DHRS4: variants seen among roughly 807,000 people sequenced by gnomAD.
DHRS4 encodes dehydrogenase/reductase SDR family member 4.
In DHRS4, 20 loss-of-function variants were observed where a neutral mutation model predicts 28.4. The observed-to-expected ratio is 0.71, with a 90% confidence interval of 0.50 to 1.02. The LOEUF (loss-of-function observed/expected upper bound fraction) is 1.02, where lower values mean the gene tolerates loss of function less well. Among genes scored for constraint, DHRS4 ranks in the 50% least tolerant of loss-of-function variants. DHRS4 has a pLI of 0.00. For missense variants in DHRS4, 378 were observed against 367.2 expected (o/e 1.03, Z -0.24); for synonymous variants, 144 against 146.4 (o/e 0.98, Z 0.12).
chr14:23,956,524 T>C (rs1214754048), intron 2 of DHRS4, among the ~76,000 whole-genome samples: 7 of 149,272 alleles, frequency 4.7e-5, no homozygotes, highest in Admixed American at 2.0e-4. Context: ...CAGGCCACAG[T>C]GGAGAGCACA....
At chr14:23,966,114 C>G in intron 5 of DHRS4, 131 bp downstream of exon 5, 2 of 1,592,372 alleles carry the variant, frequency 1.3e-6, no homozygotes, top group Non-Finnish European at 1.7e-6. Flanking sequence ...AAAATAGATG[C>G]CTTGCCTCCA....
intron 2 of DHRS4, among the ~76,000 whole-genome samples, 182 bp from the exon 3 acceptor site, chr14:23,959,720 C>T (rs10151581): frequency 0.55 from 82,003 of 149,434 alleles, 23,287 homozygotes; most frequent in East Asian, 0.77. Context: ...GGTCTCGCTG[C>T]ATGGCCCAGG....
intron 1 of DHRS4, among the ~76,000 whole-genome samples, chr14:23,954,549 G>A (rs1594409255): frequency 1.3e-5 from 2 of 152,356 alleles, no homozygotes; most frequent in East Asian, 3.9e-4. Flanking sequence ...AATGCAAAAT[G>A]TGTAACTCTT....
intron 2 of DHRS4, 114 bp from the exon 3 acceptor site, chr14:23,959,788 T>C (rs963524128): frequency 1.3e-5 from 17 of 1,305,484 alleles, no homozygotes; most frequent in Non-Finnish European, 1.9e-5. Context: ...CAAAGTGCCA[T>C]GATTACAGGC....
intron 2 of DHRS4, among the ~76,000 whole-genome samples, chr14:23,956,669 A>G (rs1321609548): frequency 6.6e-6 from 1 of 150,520 alleles, no homozygotes; most frequent in Non-Finnish European, 1.5e-5. Flanking sequence ...ATATGGCACA[A>G]TCTCAGCTCA....
rs2033730726 is a variant in DHRS4 at position 23,968,674 on chromosome 14, G to A, written c.723-83G>A. On this transcript the variant is annotated intron_variant, in intron 7 of 7. Coordinates refer to ENST00000313250, the MANE Select transcript of DHRS4 (RefSeq NM_021004.4). ...AAGCCATCTGATAATTCTTGATTAAGCAAATTTAACTCCCTGTGTCCCAGG... is the reference window on the plus strand; with the variant it reads ...AAGCCATCTGATAATTCTTGATTAAACAAATTTAACTCCCTGTGTCCCAGG... 3 of 1,559,712 alleles carry A rather than the reference G, an allele frequency of 1.9e-6. 1 individual carries two copies. Among genetic ancestry groups the A allele is most frequent in the Non-Finnish European group, 2.6e-6 (3 of 1,152,142 alleles).
intron 1 of DHRS4, chr14:23,954,183 T>C: frequency 5.0e-6 from 2 of 401,816 alleles, no homozygotes; most frequent in Non-Finnish European, 8.8e-6. Flanking sequence ...CCCAGTGTTC[T>C]GGGCTGCCCC....
chr14:23,968,679 T>C, intron 7 of DHRS4, 78 bp from the exon 8 acceptor site: 1 of 1,566,274 alleles, frequency 6.4e-7, no homozygotes, highest in East Asian at 2.4e-5. Flanking sequence ...ATTAAGCAAA[T>C]TTAACTCCCT....
intron 7 of DHRS4, chr14:23,967,680 C>T: frequency 3.3e-6 from 1 of 304,836 alleles, no homozygotes; most frequent in South Asian, 2.3e-5. Context: ...TACTAAGCCC[C>T]AAACTCCCCT....
In DHRS4 at chr14:23,953,800, G is replaced by A. The variant is rs3211118; in HGVS notation, c.12G>A (p.Ala4=). The A allele has an allele frequency of 1.2e-6, 2 of 1,614,100 alleles. No individual in the cohort carries two copies. Among genetic ancestry groups the A allele is most frequent in the East Asian group, 2.2e-5 (1 of 44,864 alleles). ...TGCTGGTCTGATCCATGCACAAGGC[G>A]GGGCTGCTAGGCCTCTGTGCCCGGG... is the stretch of plus-strand genomic sequence containing the variant. The part of the protein sequence containing the change: MHK[A]GLLGLCARAW... The change falls in exon 1 of 8, where the codon GCG becomes GCA. Residue 4 remains alanine, a synonymous_variant. Transcript: ENST00000313250.
chr14:23,966,571 T>C (rs905086576), intron 6 of DHRS4, among the ~76,000 whole-genome samples, 154 bp downstream of exon 6: 1 of 151,666 alleles, frequency 6.6e-6, no homozygotes, highest in Non-Finnish European at 1.5e-5. Flanking sequence ...ACCTGCCCTA[T>C]ACAAGCCACA....
chr14:23,956,695 C>T (rs1485384539), intron 2 of DHRS4, among the ~76,000 whole-genome samples: 4 of 151,246 alleles, frequency 2.6e-5, no homozygotes, highest in African/African-American at 9.7e-5. Context: ...ACCTCCGCCT[C>T]CAGGTTCAAG....
chr14:23,966,068 C>T, intron 5 of DHRS4, 85 bp downstream of exon 5: 3 of 1,605,682 alleles, frequency 1.9e-6, no homozygotes, highest in Admixed American at 3.3e-5. Flanking sequence ...AAGTTTGTGT[C>T]CCCTTGTAGA....
intron 1 of DHRS4, among the ~76,000 whole-genome samples, chr14:23,954,758 C>G (rs1288309403): frequency 1.3e-5 from 2 of 152,162 alleles, no homozygotes; most frequent in African/African-American, 2.4e-5. Context: ...CTCTCAGTCC[C>G]AAGAGGGGAT....
intron 3 of DHRS4, among the ~76,000 whole-genome samples, chr14:23,964,232 A>C (rs1198064762): frequency 2.9e-5 from 3 of 103,682 alleles, no homozygotes; most frequent in African/African-American, 1.3e-4. Flanking sequence ...AAAAAAAAAA[A>C]AAAAAAAAAA....
rs1335692305 is a variant in DHRS4 at position 23,953,916 on chromosome 14, G to T, written c.128G>T (p.Gly43Val). 6.3e-7 allele frequency: 1 copy of T among 1,585,310 alleles called. No homozygotes were observed. Among genetic ancestry groups the T allele is most frequent in the African/African-American group, 1.4e-5 (1 of 73,664 alleles). Reference sequence around the variant, plus strand: ...GCCCTGGTAACGGCCTCCACCGACGGGTGAGTGCTCCGGCCGGAGTTTCTG... The same window carrying T: ...GCCCTGGTAACGGCCTCCACCGACGTGTGAGTGCTCCGGCCGGAGTTTCTG... ...KVALVTASTD[G>V]IGFAIARRLA... Residue 43 changes from glycine (G) to valine (V), a missense_variant and splice_region_variant, in exon 1 of 8, where the codon GGG becomes GTG. Gly to Val is a moderately radical substitution (Grantham distance 109, BLOSUM62 -3). Coordinates refer to ENST00000313250, the MANE Select transcript of DHRS4 (RefSeq NM_021004.4).
At chr14:23,966,769 G>A (rs1212473403) in intron 6 of DHRS4, among the ~76,000 whole-genome samples, 1 of 152,256 alleles carries the variant, frequency 6.6e-6, no homozygotes, top group Non-Finnish European at 1.5e-5. Context: ...AATAGGAAGT[G>A]AAAGAGGGAA....
chr14:23,957,048 G>A (rs1173474825), intron 2 of DHRS4, among the ~76,000 whole-genome samples: 1 of 152,158 alleles, frequency 6.6e-6, no homozygotes, highest in African/African-American at 2.4e-5. Flanking sequence ...ATCTGGCTCT[G>A]GTAGGAAGGA....
intron 2 of DHRS4, among the ~76,000 whole-genome samples, chr14:23,958,729 A>G (rs1405045247): frequency 6.6e-6 from 1 of 152,134 alleles, no homozygotes; most frequent in Non-Finnish European, 1.5e-5. Context: ...GATGACCCCA[A>G]CTCACTTTCA....
Sources: allele counts gnomAD v4.1 joint callset (sites outside exome capture counted in the v4.1 genomes callset), GRCh38; gene constraint gnomAD v4.1.1; transcripts MANE v1.5; gene names NCBI Gene and HGNC (gene_info 2026-07-23, HGNC 2026-07-21).